PLGRKT: variants seen among roughly 807,000 people sequenced by gnomAD.
The protein encoded by PLGRKT is plasminogen receptor (KT).
PLGRKT carries 22 observed loss-of-function variants against 18.5 expected under a neutral mutation model. The observed-to-expected ratio is 1.19, with a 90% confidence interval of 0.85 to 1.70. The LOEUF (loss-of-function observed/expected upper bound fraction) is 1.70. Among genes scored for constraint, PLGRKT ranks in the 40% most tolerant of loss-of-function variants. The pLI is 0.00. For missense variants in PLGRKT, 235 were observed against 174.4 expected, an observed-to-expected ratio of 1.35 and a Z score of -1.96; for synonymous variants, 72 against 52.8, an observed-to-expected ratio of 1.36 and a Z score of -1.58.
At chr9:5,406,126 T>A (rs1818250312) in intron 3 of PLGRKT, among the ~76,000 whole-genome samples, 1 of 152,206 alleles carries the variant, frequency 6.6e-6, no homozygotes, top group African/African-American at 2.4e-5. Flanking sequence ...CTGGCAGTAT[T>A]GAGGCGAAAT....
chr9:5,371,950 A>G (rs1586705188), intron 3 of PLGRKT, among the ~76,000 whole-genome samples: 1 of 150,628 alleles, frequency 6.6e-6, no homozygotes, highest in African/African-American at 2.5e-5. Context: ...GAATCTTGGA[A>G]CCAAGACGTG....
chr9:5,372,178 A>C (rs1817534080), intron 3 of PLGRKT, among the ~76,000 whole-genome samples: 1 of 151,564 alleles, frequency 6.6e-6, no homozygotes, highest in Non-Finnish European at 1.5e-5. Context: ...ATGGGGTTTC[A>C]CCATGTTGGC....
chr9:5,391,089 G>A (rs976116201), intron 3 of PLGRKT, among the ~76,000 whole-genome samples: 5 of 151,858 alleles, frequency 3.3e-5, no homozygotes, highest in South Asian at 2.1e-4. Flanking sequence ...AGTACTTTGC[G>A]GAATTGATGT....
At chr9:5,410,139 G>A (rs1311915510) in intron 3 of PLGRKT, among the ~76,000 whole-genome samples, 6 of 152,064 alleles carry the variant, frequency 3.9e-5, no homozygotes, top group African/African-American at 1.4e-4. Context: ...TTTTCTATTT[G>A]TGACTGAAAT....
rs1563787621 is a variant in PLGRKT, at chr9:5,418,916, G to C, written c.81+12981C>G. 1.2e-6 allele frequency: 1 copy of C among 846,154 alleles called. No individual in the cohort carries two copies. Among genetic ancestry groups the C allele is most frequent in the South Asian group, 1.4e-5 (1 of 70,242 alleles). 52.4% of individuals were successfully genotyped at this position (846,154 alleles called of 1,614,324 possible). On this transcript the variant is annotated intron_variant, in intron 3 of 5. Transcript: ENST00000223864. This position sits in a 1 kb window ranked among gnomAD's most constrained non-coding sequence, Gnocchi z 4.2. ...CAATCCAGCAACTTGGCCTTCACTA[G>C]GGGCTGCAGTAATTAAAACAGATCT...
chr9:5,431,457 C>A (rs1381273721), intron 3 of PLGRKT, among the ~76,000 whole-genome samples: 2 of 150,936 alleles, frequency 1.3e-5, no homozygotes, highest in African/African-American at 4.9e-5. Flanking sequence ...TCGCTTGAAC[C>A]CAGGAGGCAG....
intron 3 of PLGRKT, among the ~76,000 whole-genome samples, chr9:5,402,687 A>G (rs1818178163): frequency 6.6e-6 from 1 of 151,902 alleles, no homozygotes; most frequent in Admixed American, 6.5e-5. Flanking sequence ...TCAAACAGAG[A>G]ATGTTCAGGT....
chr9:5,392,050 G>C (rs944810580), intron 3 of PLGRKT, among the ~76,000 whole-genome samples: 11 of 151,970 alleles, frequency 7.2e-5, no homozygotes, highest in South Asian at 2.1e-4. Flanking sequence ...ATGAGACCTA[G>C]AGGGGGAAAG....
chr9:5,378,164 A>G (rs897240836), intron 3 of PLGRKT, among the ~76,000 whole-genome samples: 7 of 152,134 alleles, frequency 4.6e-5, no homozygotes, highest in African/African-American at 1.7e-4. Flanking sequence ...AAGGGCTACC[A>G]GACATTTGAG....
At chr9:5,364,115 C>G (rs1323863042) in intron 3 of PLGRKT, among the ~76,000 whole-genome samples, 2 of 152,162 alleles carry the variant, frequency 1.3e-5, no homozygotes, top group Non-Finnish European at 2.9e-5. Context: ...TCATGAGCAT[C>G]TGGGGAGATT....
At chr9:5,424,791 A>C (rs1478813910) in intron 3 of PLGRKT, among the ~76,000 whole-genome samples, 3 of 149,362 alleles carry the variant, frequency 2.0e-5, no homozygotes, top group East Asian at 3.9e-4. Context: ...CCTGGGCTTA[A>C]GTGATCCTCC....
At chr9:5,370,340 C>G (rs1475977978) in intron 3 of PLGRKT, among the ~76,000 whole-genome samples, 1 of 152,088 alleles carries the variant, frequency 6.6e-6, no homozygotes, top group Admixed American at 6.5e-5. Flanking sequence ...ACAATTTTCC[C>G]CTTAATAAAA....
intron 3 of PLGRKT, among the ~76,000 whole-genome samples, chr9:5,365,168 G>A (rs1817358385): frequency 6.6e-6 from 1 of 152,098 alleles, no homozygotes; most frequent in Non-Finnish European, 1.5e-5. Context: ...AGCTGGCCTA[G>A]GACTGGGGCA....
chr9:5,389,255 AG>A (rs1437422187), intron 3 of PLGRKT, among the ~76,000 whole-genome samples: 1 of 151,966 alleles, frequency 6.6e-6, no homozygotes, highest in Non-Finnish European at 1.5e-5. Flanking sequence ...ATTAGTCAGC[AG>A]GGGGGATGCT....
At chr9:5,432,687 G>A (rs1242177588) in intron 2 of PLGRKT, among the ~76,000 whole-genome samples, 1 of 152,186 alleles carries the variant, frequency 6.6e-6, no homozygotes, top group East Asian at 1.9e-4. Context: ...TGGTGGAGAC[G>A]GGGTTTTGCC....
chr9:5,405,357 A>G (rs966600126), intron 3 of PLGRKT, among the ~76,000 whole-genome samples: 4 of 152,242 alleles, frequency 2.6e-5, no homozygotes, highest in African/African-American at 7.2e-5. Context: ...ACTTCAAACT[A>G]TACTACAAGG....
chr9:5,408,681 G>A (rs980759950), intron 3 of PLGRKT, among the ~76,000 whole-genome samples: 1 of 152,228 alleles, frequency 6.6e-6, no homozygotes, highest in Admixed American at 6.5e-5. Flanking sequence ...GAGGAGCCAA[G>A]TCTAATAGTC....
At chr9:5,410,261 C>T (rs906177933) in intron 3 of PLGRKT, among the ~76,000 whole-genome samples, 1 of 152,056 alleles carries the variant, frequency 6.6e-6, no homozygotes, top group African/African-American at 2.4e-5. Context: ...AGTGGGTGGG[C>T]ACAGTGGCTC....
At chr9:5,369,293 A>T (rs546918643) in intron 3 of PLGRKT, among the ~76,000 whole-genome samples, 19 of 152,264 alleles carry the variant, frequency 1.2e-4, no homozygotes, top group African/African-American at 4.1e-4. Context: ...GCGAATAGAC[A>T]CTTCTCAAAA....
Sources: gnomAD v4.1 joint callset for allele counts (sites outside exome capture counted in the v4.1 genomes callset) on GRCh38, gnomAD v4.1.1 for gene constraint, Gnocchi (gnomAD v3.1) non-coding constraint, MANE v1.5 for transcripts, NCBI Gene and HGNC (gene_info 2026-07-23, HGNC 2026-07-21) for gene names.